The following PSMD12 variants were observed in gnomAD, a reference collection of about 807,000 sequenced individuals.
The protein encoded by PSMD12 is 26S proteasome non-ATPase regulatory subunit 12.
In PSMD12, 8 loss-of-function variants were observed where a neutral mutation model predicts 62.9. The ratio of observed to expected loss-of-function variants is 0.13; its 90% CI spans 0.07 to 0.23. PSMD12 has a LOEUF of 0.23. PSMD12 is among the 10% of genes least tolerant of loss of function. The probability of loss-of-function intolerance (pLI) is 1.00; values close to 1 mark genes in which losing one functional copy is unlikely to be tolerated. For missense variants in PSMD12, 424 were observed against 550.2 expected (o/e 0.77, Z 2.29); for synonymous variants, 173 against 187.4 (o/e 0.92, Z 0.63).
intron 3 of PSMD12, among the ~76,000 whole-genome samples, chr17:67,353,717 T>C (rs905610030): frequency 6.6e-6 from 1 of 152,148 alleles, no homozygotes; most frequent in Non-Finnish European, 1.5e-5. Flanking sequence ...ACAGAGACAT[T>C]TATGTTTCCT....
At chr17:67,358,567 C>CAAAAAAAAAAAAAAAAA (rs398039153) in intron 1 of PSMD12, among the ~76,000 whole-genome samples, 12 of 74,056 alleles carry the variant, frequency 1.6e-4, no homozygotes, top group Non-Finnish European at 2.0e-4. Context: ...GAACCTGTCT[C>CAAAAAAAAAAAAAAAAA]AAAAAAAAAA....
At position 67,341,057 on chromosome 17, in the gene PSMD12, AAGAG is replaced by A; in HGVS notation, c.1162-9_1162-6del. The A allele has an allele frequency of 6.5e-7, 1 of 1,529,822 alleles. No individual in the cohort carries two copies. The highest frequency in any genetic ancestry group is 1.7e-4 in the Middle Eastern group (1 of 5,890). The allele number at this position is 1,529,822 out of a possible 1,614,324, so 94.8% of individuals were successfully genotyped here. On this transcript the variant is annotated splice_region_variant and splice_polypyrimidine_tract_variant and intron_variant, in intron 10 of 10. Transcript: ENST00000356126. ...TGAGAGAAAGGCTTCGGACTCCTGC[AAGAG>A]AGAAAGATAAATTGGATTAAGACAG...
Position 67,340,789 on chromosome 17 carries a change from C to A in PSMD12, c.*54G>T. ...AACCCCAACATATACACCATTATAA[C>A]AGTCTTTTTTTAATGACTTCCAATT... On this transcript the variant is annotated 3_prime_UTR_variant, in exon 11 of 11. Transcript: ENST00000356126. 7.2e-7 allele frequency: 1 copy of A among 1,387,230 alleles called. No individual in the cohort carries two copies. The highest frequency in any genetic ancestry group is 9.8e-7 in the Non-Finnish European group (1 of 1,023,092). 85.9% of individuals were successfully genotyped at this position (1,387,230 alleles called of 1,614,324 possible).
intron 1 of PSMD12, among the ~76,000 whole-genome samples, chr17:67,363,232 A>G (rs1296632171): frequency 6.6e-6 from 1 of 152,116 alleles, no homozygotes; most frequent in African/African-American, 2.4e-5. Flanking sequence ...GCTCACTGCA[A>G]CCTCGAACTA....
At chr17:67,346,252 G>A (rs1011468955) in intron 7 of PSMD12, among the ~76,000 whole-genome samples, 3 of 152,038 alleles carry the variant, frequency 2.0e-5, no homozygotes, top group South Asian at 4.1e-4. Flanking sequence ...AAAATTGGCC[G>A]GGCGTGGGGG....
intron 3 of PSMD12, among the ~76,000 whole-genome samples, chr17:67,352,903 A>T (rs1217383425): frequency 6.6e-6 from 1 of 152,168 alleles, no homozygotes; most frequent in African/African-American, 2.4e-5. Context: ...TGGCTTCAAA[A>T]CCCAAGAGTG....
intron 3 of PSMD12, among the ~76,000 whole-genome samples, chr17:67,354,055 C>T (rs1488092770): frequency 6.6e-6 from 1 of 152,214 alleles, no homozygotes; most frequent in African/African-American, 2.4e-5. Flanking sequence ...GAACTATAGG[C>T]TGCATGTCTC....
intron 4 of PSMD12, 63 bp from the exon 5 acceptor site, chr17:67,348,717 G>C (rs2041991556): frequency 2.0e-5 from 29 of 1,458,146 alleles, no homozygotes; most frequent in Non-Finnish European, 2.6e-5. Flanking sequence ...TAAAAAGTAG[G>C]CTGGGTATGT....
chr17:67,344,325 C>CA (rs1210234184), intron 9 of PSMD12, among the ~76,000 whole-genome samples: 1 of 151,764 alleles, frequency 6.6e-6, no homozygotes, highest in Non-Finnish European at 1.5e-5. Context: ...TCTGAAAAGC[C>CA]AAAAATAGGG....
At chr17:67,361,654 A>G (rs2042128880) in intron 1 of PSMD12, among the ~76,000 whole-genome samples, 1 of 152,116 alleles carries the variant, frequency 6.6e-6, no homozygotes, top group African/African-American at 2.4e-5. Flanking sequence ...CAACTTTTAA[A>G]GTGACCTATT....
intron 3 of PSMD12, among the ~76,000 whole-genome samples, chr17:67,350,832 T>A (rs976799155): frequency 6.6e-6 from 1 of 152,200 alleles, no homozygotes; most frequent in Non-Finnish European, 1.5e-5. Context: ...ATACACTCCC[T>A]TCAGCACTAA....
At chr17:67,358,547 G>T (rs1254997895) in intron 1 of PSMD12, among the ~76,000 whole-genome samples, 2 of 117,060 alleles carry the variant, frequency 1.7e-5, no homozygotes, top group African/African-American at 3.3e-5. Context: ...TAGCATGGGC[G>T]ACAGAGTGAG....
At chr17:67,360,427 A>G (rs2042118736) in intron 1 of PSMD12, among the ~76,000 whole-genome samples, 1 of 152,232 alleles carries the variant, frequency 6.6e-6, no homozygotes, top group Non-Finnish European at 1.5e-5. Flanking sequence ...ATCAGTAGTC[A>G]CTTAGTACCT....
chr17:67,359,677 G>A (rs901906002), intron 1 of PSMD12, among the ~76,000 whole-genome samples: 4 of 152,082 alleles, frequency 2.6e-5, no homozygotes, highest in Non-Finnish European at 5.9e-5. Flanking sequence ...CATATATACT[G>A]CATGGCCCGT....
chr17:67,341,086 G>A, intron 10 of PSMD12, 34 bp from the exon 11 acceptor site: 1 of 1,459,196 alleles, frequency 6.9e-7, no homozygotes, highest in Non-Finnish European at 9.2e-7. Flanking sequence ...GATTAAGACA[G>A]GATAAATTAC....
At position 67,361,881 on chromosome 17, in the gene PSMD12, A is replaced by T. The variant is rs1226468470; in HGVS notation, c.109-4303T>A. 4.9e-4 allele frequency among the ~76,000 whole-genome samples: 18 copies of T among 36,814 alleles called. No individual in the cohort carries two copies. In the South Asian group the frequency reaches 9.0e-3, roughly 18 times the overall value. 24.2% of individuals were successfully genotyped at this position (36,814 alleles called of 152,430 possible). ...TTTGAGATCCCTGTATCTAAAAAAA[A>T]AAAAAAAAAAAAAAAAAAAAAAAAA... On this transcript the variant is annotated intron_variant, in intron 1 of 10. Transcript: ENST00000356126.
At chr17:67,353,686 GAA>G (rs949754567) in intron 3 of PSMD12, among the ~76,000 whole-genome samples, 1 of 152,084 alleles carries the variant, frequency 6.6e-6, no homozygotes, top group African/African-American at 2.4e-5. Context: ...ATAATTATGA[GAA>G]AAGAGGACTC....
intron 9 of PSMD12, among the ~76,000 whole-genome samples, chr17:67,344,014 A>G (rs2041940185): frequency 1.3e-5 from 2 of 152,162 alleles, no homozygotes; most frequent in Non-Finnish European, 2.9e-5. Context: ...TAGGGAGGGT[A>G]CTGTCTTATT....
intron 3 of PSMD12, among the ~76,000 whole-genome samples, chr17:67,351,781 T>C (rs2042020432): frequency 6.6e-6 from 1 of 151,144 alleles, no homozygotes; most frequent in South Asian, 2.1e-4. Flanking sequence ...GTCTGTTATT[T>C]CCACCTTTTT....
Sources: gnomAD v4.1 joint callset for allele counts (sites outside exome capture counted in the v4.1 genomes callset) on GRCh38, gnomAD v4.1.1 for gene constraint, MANE v1.5 for transcripts, NCBI Gene and HGNC (gene_info 2026-07-23, HGNC 2026-07-21) for gene names.